The following NELL1 variants were observed in gnomAD, a reference collection of about 807,000 sequenced individuals.
NELL1 encodes neural EGFL like 1, also known as protein kinase C-binding protein NELL1.
A neutral mutation model predicts 107.4 loss-of-function variants in NELL1; 76 were observed. The ratio of observed to expected loss-of-function variants is 0.71; its 90% confidence interval spans 0.59 to 0.86. The LOEUF (loss-of-function observed/expected upper bound fraction) is 0.86. Among genes scored for constraint, NELL1 ranks in the 40% least tolerant of loss-of-function variants. The probability of loss-of-function intolerance (pLI) is 0.00; values close to 1 mark genes in which losing one functional copy is unlikely to be tolerated. For missense variants in NELL1, 1,024 were observed against 1,005.5 expected, an observed-to-expected ratio of 1.02 and a Z score of -0.25; for synonymous variants, 353 against 341.2, an observed-to-expected ratio of 1.03 and a Z score of -0.38.
At chr11:21,435,230 G>C (rs1477171047) in intron 15 of NELL1, among the ~76,000 whole-genome samples, 1 of 152,020 alleles carries the variant, frequency 6.6e-6, no homozygotes, top group African/African-American at 2.4e-5. Context: ...TGATAAATAA[G>C]AGTGGTGAAA....
intron 2 of NELL1, among the ~76,000 whole-genome samples, chr11:20,695,548 A>G (rs1200615549): frequency 1.3e-5 from 2 of 152,016 alleles, no homozygotes; most frequent in African/African-American, 4.8e-5. Context: ...TATTTGGATG[A>G]TCATATGGTT....
chr11:21,214,667 C>A (rs1345272429), intron 13 of NELL1, among the ~76,000 whole-genome samples: 2 of 151,984 alleles, frequency 1.3e-5, no homozygotes, highest in Non-Finnish European at 2.9e-5. Flanking sequence ...TACCAGATGA[C>A]CCTGCAATCA....
intron 12 of NELL1, among the ~76,000 whole-genome samples, chr11:20,967,874 A>G (rs1851418137): frequency 6.6e-6 from 1 of 152,136 alleles, no homozygotes; most frequent in African/African-American, 2.4e-5. Flanking sequence ...GCCCTATGTG[A>G]ACTGGAACCT....
At chr11:21,484,233 T>C (rs1854571845) in intron 15 of NELL1, among the ~76,000 whole-genome samples, 1 of 151,234 alleles carries the variant, frequency 6.6e-6, no homozygotes, top group Non-Finnish European at 1.5e-5. Context: ...AAAAAATTGC[T>C]GACACAATAA....
At chr11:21,267,194 C>A (rs951384818) in intron 14 of NELL1, among the ~76,000 whole-genome samples, 5 of 152,048 alleles carry the variant, frequency 3.3e-5, no homozygotes, top group African/African-American at 1.2e-4. Flanking sequence ...GCTGTCCTTA[C>A]AATCTCCAAA....
At chr11:20,867,130 A>C (rs142726607) in intron 4 of NELL1, among the ~76,000 whole-genome samples, 1 of 152,344 alleles carries the variant, frequency 6.6e-6, no homozygotes, top group Admixed American at 6.5e-5. Flanking sequence ...GCAAAGGCAC[A>C]GATCAACTGT....
intron 2 of NELL1, among the ~76,000 whole-genome samples, chr11:20,738,275 G>A (rs1855808810): frequency 6.6e-6 from 1 of 152,160 alleles, no homozygotes; most frequent in Non-Finnish European, 1.5e-5. Context: ...GGCATTCTGA[G>A]CAGAGATGCA....
chr11:20,769,635 G>A (rs1408741023), intron 2 of NELL1: 1 of 152,420 alleles, frequency 6.6e-6, no homozygotes, highest in South Asian at 2.1e-4. Flanking sequence ...ATCACCCTCA[G>A]CTGGGGTGCT....
At chr11:21,386,075 A>G (rs992702315) in intron 15 of NELL1, among the ~76,000 whole-genome samples, 2 of 151,792 alleles carry the variant, frequency 1.3e-5, no homozygotes, top group Non-Finnish European at 2.9e-5. Flanking sequence ...AATGTATTAC[A>G]TTTAATTTCA....
intron 12 of NELL1, among the ~76,000 whole-genome samples, chr11:21,057,997 G>A (rs1301468090): frequency 6.6e-6 from 1 of 151,992 alleles, no homozygotes; most frequent in African/African-American, 2.4e-5. Context: ...TTCAGAAGAG[G>A]AGGTTGAGTT....
Position 20,687,207 on chromosome 11 carries a change from A to C in NELL1, c.184+9147A>C, listed in dbSNP as rs149712442. Among the ~76,000 whole-genome samples, 1,236 of 151,964 alleles carry C rather than the reference A, an allele frequency of 8.1e-3. 10 individuals carry two copies. Among genetic ancestry groups the C allele is most frequent in the African/African-American group, 0.028 (1,173 of 41,486 alleles). ...AATTCTTTTAGTGAGATTTTTTCTT[A>C]TTATTTAATTTTTATGAGTACATTA... On this transcript the variant is annotated intron_variant, in intron 2 of 19. Coordinates refer to ENST00000357134, the MANE Select transcript of NELL1 (RefSeq NM_006157.5).
chr11:20,831,846 T>C (rs1048080774), intron 3 of NELL1, among the ~76,000 whole-genome samples: 1 of 152,180 alleles, frequency 6.6e-6, no homozygotes, highest in Non-Finnish European at 1.5e-5. Context: ...GGAAGGTAAA[T>C]TGGTTTTTGT....
At chr11:20,744,430 C>G (rs1169759763) in intron 2 of NELL1, among the ~76,000 whole-genome samples, 4 of 151,110 alleles carry the variant, frequency 2.6e-5, no homozygotes, top group African/African-American at 9.9e-5. Context: ...ACACACTACT[C>G]TAAAACTCAG....
intron 14 of NELL1, among the ~76,000 whole-genome samples, chr11:21,308,912 A>G (rs1849666417): frequency 6.6e-6 from 1 of 151,926 alleles, no homozygotes; most frequent in Non-Finnish European, 1.5e-5. Flanking sequence ...TCAAAAGGAA[A>G]AGAGTTTAGG....
chr11:21,547,558 A>C (rs1415109339), intron 16 of NELL1, among the ~76,000 whole-genome samples: 1 of 151,964 alleles, frequency 6.6e-6, no homozygotes, highest in African/African-American at 2.4e-5. Flanking sequence ...TAAAGAAGTC[A>C]CAATTTTTAA....
intron 3 of NELL1, among the ~76,000 whole-genome samples, chr11:20,798,041 A>T (rs1177319474): frequency 1.3e-5 from 2 of 152,220 alleles, no homozygotes; most frequent in Non-Finnish European, 1.5e-5. Flanking sequence ...CTGAGATTCC[A>T]TCATTTTTAT....
intron 14 of NELL1, among the ~76,000 whole-genome samples, chr11:21,330,503 T>A (rs896465616): frequency 2.3e-4 from 35 of 152,056 alleles, no homozygotes; most frequent in Non-Finnish European, 4.1e-4. Flanking sequence ...GAATGAGAAA[T>A]TTGTTAGTTT....
chr11:21,115,430 A>C (rs916353527), intron 13 of NELL1, among the ~76,000 whole-genome samples: 2 of 151,856 alleles, frequency 1.3e-5, no homozygotes, highest in Non-Finnish European at 2.9e-5. Context: ...GACAGAACAA[A>C]AGAGAGAAAG....
At chr11:20,910,248 A>G (rs1325051918) in intron 5 of NELL1, among the ~76,000 whole-genome samples, 1 of 152,134 alleles carries the variant, frequency 6.6e-6, no homozygotes, top group Non-Finnish European at 1.5e-5. Flanking sequence ...GTAGATGTTC[A>G]CAAGACCCTT....
Sources: gnomAD v4.1 joint callset for allele counts (sites outside exome capture counted in the v4.1 genomes callset) on GRCh38, gnomAD v4.1.1 for gene constraint, MANE v1.5 for transcripts, NCBI Gene and HGNC (gene_info 2026-07-23, HGNC 2026-07-21) for gene names.